CASQ2: variants seen among roughly 807,000 people sequenced by gnomAD.
CASQ2 encodes calsequestrin-2.
Under a neutral mutation model 46.5 loss-of-function variants are expected in CASQ2, and 49 were observed. The observed-to-expected ratio is 1.05, with a 90% CI of 0.84 to 1.34. The LOEUF (loss-of-function observed/expected upper bound fraction) is 1.34. Ranked by LOEUF, CASQ2 falls within the 40% of genes most tolerant of loss-of-function variation. The pLI, the probability that CASQ2 is intolerant of heterozygous loss-of-function variation, is 0.00. For synonymous variants in CASQ2, 174 were observed against 168.5 expected, an observed-to-expected ratio of 1.03 and a Z score of -0.25; for missense variants, 486 against 481.3, an observed-to-expected ratio of 1.01 and a Z score of -0.09.
rs946911897 is a variant in CASQ2 at position 115,740,822 on chromosome 1, T to A, written c.326A>T (p.Asp109Val). 1.9e-6 allele frequency: 3 copies of A among 1,607,778 alleles called. No homozygotes were observed. Among genetic ancestry groups the A allele is most frequent in the Non-Finnish European group, 2.6e-6 (3 of 1,174,472 alleles). The change falls in exon 3 of 11, where the codon GAT becomes GTT. Residue 109 changes from aspartate (D) to valine (V), a missense_variant. Transcript: ENST00000261448. ...EAKLAKKLGF[D>V]EEGSLYILKG... ...AAGAATATACAGGCTTCCTTCTTCA[T>A]CAAAACCTGTAAGAAACAAAGAGGC...
intron 7 of CASQ2, among the ~76,000 whole-genome samples, chr1:115,724,280 C>T (rs1031817019): frequency 6.6e-6 from 1 of 152,084 alleles, no homozygotes; most frequent in African/African-American, 2.4e-5. Context: ...CTATGTCAAA[C>T]GGGGCTAAAA....
chr1:115,701,244 T>TTCATCA lies in CASQ2; in HGVS notation c.1191_1196dup (p.Asp397_Asp398dup), dbSNP rs72554070. The TTCATCA allele has an allele frequency of 2.5e-6, 4 of 1,612,526 alleles. No homozygotes were observed. Among genetic ancestry groups the TTCATCA allele is most frequent in the Non-Finnish European group, 3.4e-6 (4 of 1,178,756 alleles). ...ATCAGAATTGTTTGGAGTTGGGCTA[T>TTCATCA]TCATCATCATCGTCATCACTGTCAT... On this transcript the variant is annotated inframe_insertion, in exon 11 of 11. Transcript: ENST00000261448.
intron 1 of CASQ2, 148 bp from the exon 2 acceptor site, chr1:115,745,060 G>A: frequency 8.5e-6 from 6 of 702,060 alleles, no homozygotes; most frequent in Non-Finnish European, 1.6e-5. Context: ...CAAAGGAAAT[G>A]TATTCTTGTC....
At chr1:115,753,680 T>C (rs987733232) in intron 1 of CASQ2, among the ~76,000 whole-genome samples, 3 of 152,164 alleles carry the variant, frequency 2.0e-5, no homozygotes, top group African/African-American at 7.2e-5. Flanking sequence ...CAATCCAGTC[T>C]CTTCATAGGA....
intron 1 of CASQ2, among the ~76,000 whole-genome samples, chr1:115,755,953 G>A (rs6682982): frequency 0.1 from 15,711 of 151,984 alleles, 930 homozygotes; most frequent in South Asian, 0.23. Flanking sequence ...GCCAATAGTC[G>A]TTTATGTGTT....
At chr1:115,736,324 A>G (rs1225694416) in intron 4 of CASQ2, among the ~76,000 whole-genome samples, 1 of 152,106 alleles carries the variant, frequency 6.6e-6, no homozygotes, top group Non-Finnish European at 1.5e-5. Context: ...TATTTTAAGC[A>G]TAAAACCTAA....
At chr1:115,756,031 G>C (rs888265394) in intron 1 of CASQ2, among the ~76,000 whole-genome samples, 1 of 152,240 alleles carries the variant, frequency 6.6e-6, no homozygotes, top group African/African-American at 2.4e-5. Flanking sequence ...AGAGGTGTGT[G>C]GTCGGGCTAA....
In CASQ2 at chr1:115,741,692, G is replaced by A. The variant is rs74590485; in HGVS notation, c.320-864C>T. Among the ~76,000 whole-genome samples the A allele has an allele frequency of 8.5e-3, 1,289 of 152,264 alleles. 11 individuals carry two copies. The highest frequency in any genetic ancestry group is 0.013 in the Non-Finnish European group (908 of 68,016). On this transcript the variant is annotated intron_variant, in intron 2 of 10. Transcript: ENST00000261448. ...TTGGCTGGTAGATGCTGCAAGGACA[G>A]GCTCAGCGTCTTCTTATTTTGCTGC...
At chr1:115,735,294 C>T (rs1477455941) in intron 4 of CASQ2, among the ~76,000 whole-genome samples, 1 of 152,150 alleles carries the variant, frequency 6.6e-6, no homozygotes, top group Non-Finnish European at 1.5e-5. Flanking sequence ...GTTCAGGAGA[C>T]CTCTCCCTGC....
intron 2 of CASQ2, among the ~76,000 whole-genome samples, chr1:115,742,521 A>C (rs1648222119): frequency 6.6e-6 from 1 of 152,184 alleles, no homozygotes; most frequent in South Asian, 2.1e-4. Context: ...AACCGGAAGG[A>C]ACCTACCCCA....
intron 4 of CASQ2, among the ~76,000 whole-genome samples, chr1:115,736,214 G>A (rs191354549): frequency 5.8e-4 from 87 of 150,512 alleles, no homozygotes; most frequent in African/African-American, 2.1e-3. Context: ...CCTCCCATTT[G>A]TCACTATCCA....
chr1:115,766,869 A>AGAT (rs765200751), intron 1 of CASQ2, among the ~76,000 whole-genome samples: 81 of 70,508 alleles, frequency 1.1e-3, no homozygotes, highest in Non-Finnish European at 1.8e-3. Flanking sequence ...TAGAGATGAT[A>AGAT]GATAGATAGA....
intron 8 of CASQ2, among the ~76,000 whole-genome samples, chr1:115,712,426 G>A (rs1234294950): frequency 6.6e-6 from 1 of 152,176 alleles, no homozygotes; most frequent in East Asian, 1.9e-4. Context: ...ACAGAGCCCA[G>A]ACTCGGGGCT....
intron 8 of CASQ2, among the ~76,000 whole-genome samples, chr1:115,712,870 AAAG>A (rs1487580903): frequency 2.0e-4 from 8 of 39,556 alleles, no homozygotes; most frequent in African/African-American, 6.5e-4. Context: ...AAAAAAAAAG[AAAG>A]AAAGAAAGAA....
At chr1:115,766,419 A>G (rs1240582845) in intron 1 of CASQ2, among the ~76,000 whole-genome samples, 2 of 152,236 alleles carry the variant, frequency 1.3e-5, no homozygotes, top group African/African-American at 4.8e-5. Context: ...TAAACAAGCT[A>G]ACACATACCA....
At chr1:115,750,555 C>G (rs1037168151) in intron 1 of CASQ2, among the ~76,000 whole-genome samples, 2 of 152,328 alleles carry the variant, frequency 1.3e-5, no homozygotes, top group Admixed American at 1.3e-4. Flanking sequence ...TTTGCCCAGG[C>G]TGCAGTGCAG....
chr1:115,748,661 G>T (rs1051433822), intron 1 of CASQ2, among the ~76,000 whole-genome samples: 1 of 152,184 alleles, frequency 6.6e-6, no homozygotes, highest in Non-Finnish European at 1.5e-5. Flanking sequence ...CTTTCTGCAA[G>T]TCACTTGGCT....
chr1:115,725,017 A>G (rs1439594972), intron 7 of CASQ2, among the ~76,000 whole-genome samples: 1 of 152,208 alleles, frequency 6.6e-6, no homozygotes, highest in African/African-American at 2.4e-5. Context: ...GGATTGATCC[A>G]TGGAGAACTG....
At position 115,700,922 on chromosome 1, in the gene CASQ2, T is replaced by C; in HGVS notation, c.*319A>G. The C allele has an allele frequency of 1.7e-6, 1 of 597,042 alleles. No individual in the cohort carries two copies. The highest frequency in any genetic ancestry group is 2.8e-5 in the East Asian group (1 of 36,356). The allele number at this position is 597,042 out of a possible 1,614,324, so 37.0% of individuals were successfully genotyped here. A position where few individuals can be genotyped will look rare whatever the true frequency, so the allele number is the denominator to read the frequency against. On this transcript the variant is annotated 3_prime_UTR_variant, in exon 11 of 11. Coordinates refer to ENST00000261448, the MANE Select transcript of CASQ2 (RefSeq NM_001232.4). Reference sequence around the variant, plus strand: ...AGACAAGTAAACTTGTGTTAGGGGATTGTTCACCCTAGACTGCCATGTTCA... The same window carrying C: ...AGACAAGTAAACTTGTGTTAGGGGACTGTTCACCCTAGACTGCCATGTTCA...
Sources: gnomAD v4.1 joint callset for allele counts (sites outside exome capture counted in the v4.1 genomes callset) on GRCh38, gnomAD v4.1.1 for gene constraint, MANE v1.5 for transcripts, NCBI Gene and HGNC (gene_info 2026-07-23, HGNC 2026-07-21) for gene names.